The following EBF1 variants were observed in gnomAD, a reference collection of about 807,000 sequenced individuals.
EBF1 encodes EBF transcription factor 1.
A neutral mutation model predicts 68.4 loss-of-function variants in EBF1; 10 were observed. The ratio of observed to expected loss-of-function variants is 0.15; its 90% CI spans 0.09 to 0.25. EBF1 has a LOEUF of 0.25. Among genes scored for constraint, EBF1 ranks in the 10% least tolerant of loss-of-function variants. The pLI is 1.00. For synonymous variants in EBF1, 298 were observed against 299.8 expected, an observed-to-expected ratio of 0.99 and a Z score of 0.06; for missense variants, 509 against 794.4, an observed-to-expected ratio of 0.64 and a Z score of 4.32.
chr5:159,061,802 A>G (rs1184772624), intron 6 of EBF1, among the ~76,000 whole-genome samples: 3 of 152,026 alleles, frequency 2.0e-5, no homozygotes, highest in African/African-American at 2.4e-5. Flanking sequence ...TTCAACAAAC[A>G]TTCTTTCCTA....
At chr5:158,928,285 C>T (rs1040058655) in intron 6 of EBF1, among the ~76,000 whole-genome samples, 6 of 152,062 alleles carry the variant, frequency 3.9e-5, no homozygotes, top group African/African-American at 4.8e-5. Flanking sequence ...AGCACAGTGC[C>T]GGGCACATAG....
rs1771433434 is a variant in EBF1 at position 158,761,454 on chromosome 5, G to A, written c.1036+15959C>T. On this transcript the variant is annotated intron_variant, in intron 10 of 15. Transcript: ENST00000313708. Reference sequence around the variant, plus strand: ...TTCTATGCTTCCTATGAAATAATGTGTGTTATTTGGCAGAGAATGCTCAGT... The same window carrying A: ...TTCTATGCTTCCTATGAAATAATGTATGTTATTTGGCAGAGAATGCTCAGT... 2.6e-5 allele frequency among the ~76,000 whole-genome samples: 4 copies of A among 152,308 alleles called. No homozygotes were observed. In the South Asian group the frequency reaches 8.3e-4, roughly 32 times the overall value.
At chr5:159,081,222 A>G (rs1306302910) in intron 5 of EBF1, among the ~76,000 whole-genome samples, 3 of 152,168 alleles carry the variant, frequency 2.0e-5, no homozygotes, top group African/African-American at 7.2e-5. Context: ...GGCTCAAACA[A>G]TCCTCCCACC....
At chr5:158,946,815 C>G (rs1203329185) in intron 6 of EBF1, among the ~76,000 whole-genome samples, 1 of 152,170 alleles carries the variant, frequency 6.6e-6, no homozygotes, top group African/African-American at 2.4e-5. Flanking sequence ...TGCTCTGTCC[C>G]AGGGAGATGG....
intron 6 of EBF1, among the ~76,000 whole-genome samples, chr5:159,065,317 G>A (rs1776594916): frequency 6.6e-6 from 1 of 152,092 alleles, no homozygotes; most frequent in Non-Finnish European, 1.5e-5. Flanking sequence ...TGACTCCTCG[G>A]CATGCACCAG....
chr5:158,978,825 C>CAT (rs1420683452), intron 6 of EBF1, among the ~76,000 whole-genome samples: 79 of 149,278 alleles, frequency 5.3e-4, no homozygotes, highest in Middle Eastern at 3.5e-3. Context: ...CACACACACA[C>CAT]ACACACACAC....
At chr5:159,000,016 G>A (rs951814008) in intron 6 of EBF1, among the ~76,000 whole-genome samples, 1 of 152,182 alleles carries the variant, frequency 6.6e-6, no homozygotes, top group Non-Finnish European at 1.5e-5. Flanking sequence ...GCCATGGGGT[G>A]AAAACTATTT....
chr5:158,797,737 A>C (rs918085398), intron 8 of EBF1, among the ~76,000 whole-genome samples: 1 of 152,216 alleles, frequency 6.6e-6, no homozygotes, highest in African/African-American at 2.4e-5. Flanking sequence ...TTAATCTTAA[A>C]AATTTGCACA....
chr5:158,948,144 G>A (rs200477497), intron 6 of EBF1, among the ~76,000 whole-genome samples: 2 of 152,126 alleles, frequency 1.3e-5, no homozygotes, highest in East Asian at 3.9e-4. Flanking sequence ...TGGAGGGTAC[G>A]GGTGGGTGTG....
At chr5:158,947,379 G>A (rs915160003) in intron 6 of EBF1, among the ~76,000 whole-genome samples, 1 of 152,232 alleles carries the variant, frequency 6.6e-6, no homozygotes, top group East Asian at 1.9e-4. Flanking sequence ...GCAAAGCATA[G>A]TATCTGGGCC....
chr5:159,096,953 G>T (rs1584598808), intron 2 of EBF1, 21 bp downstream of exon 2: 1 of 1,611,680 alleles, frequency 6.2e-7, no homozygotes, highest in South Asian at 1.1e-5. Flanking sequence ...GACGAGGGGC[G>T]ACAGCGCTGC....
rs1408752335 is a variant in EBF1 at position 159,016,269 on chromosome 5, C to CA, written c.554+57126dup. ...GAGCTTGCTTGATGAGATCTACAAA[C>CA]ACACTGTGTTCTCTGAAAAGCTGAA... On this transcript the variant is annotated intron_variant, in intron 6 of 15. Coordinates refer to ENST00000313708, the MANE Select transcript of EBF1 (RefSeq NM_024007.5). 1.3e-5 allele frequency among the ~76,000 whole-genome samples: 2 copies of CA among 152,226 alleles called. 1 individual carries two copies. Among genetic ancestry groups the CA allele is most frequent in the African/African-American group, 4.8e-5 (2 of 41,456 alleles).
At chr5:158,812,410 C>T (rs1271757811) in intron 8 of EBF1, among the ~76,000 whole-genome samples, 4 of 152,114 alleles carry the variant, frequency 2.6e-5, no homozygotes, top group Admixed American at 1.3e-4. Flanking sequence ...ATTTCAGCAG[C>T]AGGCACTCTA....
At chr5:158,856,002 A>T (rs1232588491) in intron 6 of EBF1, among the ~76,000 whole-genome samples, 1 of 152,226 alleles carries the variant, frequency 6.6e-6, no homozygotes, top group African/African-American at 2.4e-5. Context: ...TATAAATAAA[A>T]ATGTCATAAA....
At chr5:158,857,162 TC>T (rs1238723596) in intron 6 of EBF1, among the ~76,000 whole-genome samples, 1 of 151,648 alleles carries the variant, frequency 6.6e-6, no homozygotes, top group Non-Finnish European at 1.5e-5. Flanking sequence ...CCTTCTGCAT[TC>T]CCTCAGCACC....
intron 6 of EBF1, among the ~76,000 whole-genome samples, chr5:158,982,718 A>G (rs1239584324): frequency 6.6e-6 from 1 of 152,088 alleles, no homozygotes; most frequent in Non-Finnish European, 1.5e-5. Flanking sequence ...AATATAATTT[A>G]ATAAAGTGTC....
At chr5:158,788,651 G>T (rs1777940133) in intron 9 of EBF1, among the ~76,000 whole-genome samples, 2 of 152,094 alleles carry the variant, frequency 1.3e-5, no homozygotes, top group Non-Finnish European at 2.9e-5. Context: ...GCACTATCTA[G>T]ATATCCATAA....
At chr5:159,094,789 C>T (rs770902946) in intron 4 of EBF1, among the ~76,000 whole-genome samples, 25 of 152,174 alleles carry the variant, frequency 1.6e-4, no homozygotes, top group Non-Finnish European at 3.4e-4. Flanking sequence ...CTAACTCCTC[C>T]AACTACCTAA....
intron 10 of EBF1, among the ~76,000 whole-genome samples, chr5:158,754,285 T>A (rs1402246208): frequency 2.0e-5 from 3 of 152,078 alleles, no homozygotes; most frequent in Admixed American, 2.0e-4. Context: ...CAAAAGCCAA[T>A]AAATCTTTGG....
Sources: gnomAD v4.1 joint callset for allele counts (sites outside exome capture counted in the v4.1 genomes callset) on GRCh38, gnomAD v4.1.1 for gene constraint, MANE v1.5 for transcripts, NCBI Gene and HGNC (gene_info 2026-07-23, HGNC 2026-07-21) for gene names.